The following SETX variants were observed in gnomAD, a reference collection of about 807,000 sequenced individuals.
SETX encodes helicase senataxin.
In SETX, 90 loss-of-function variants were observed where a neutral mutation model predicts 227.2. The ratio of observed to expected loss-of-function variants is 0.40; its 90% CI spans 0.33 to 0.47. SETX has a LOEUF of 0.47. Among genes scored for constraint, SETX ranks in the 20% least tolerant of loss-of-function variants. The pLI is 0.91. For synonymous variants in SETX, 1,210 were observed against 1,113.2 expected, an observed-to-expected ratio of 1.09 and a Z score of -1.73; for missense variants, 3,052 against 3,181.5, an observed-to-expected ratio of 0.96 and a Z score of 0.98.
At chr9:132,310,086 A>G (rs564777017) in intron 11 of SETX, among the ~76,000 whole-genome samples, 2 of 152,246 alleles carry the variant, frequency 1.3e-5, no homozygotes, top group Non-Finnish European at 2.9e-5. Context: ...ACTGAAAAAA[A>G]GACAACAGAA....
In SETX at chr9:132,288,259, A is replaced by G; in HGVS notation, c.6301T>C (p.Cys2101Arg). The G allele has an allele frequency of 6.2e-7, 1 of 1,614,206 alleles. No individual in the cohort carries two copies. The highest frequency in any genetic ancestry group is 8.5e-7 in the Non-Finnish European group (1 of 1,180,010). The change falls in exon 17 of 26, where the codon TGC becomes CGC. Residue 2101 changes from cysteine (C) to arginine (R), a missense_variant. This residue lies in a region of SETX where 412 missense variants were observed against 589.0 expected (regional missense o/e 0.70). Transcript: ENST00000224140. Reference sequence around the variant, plus strand: ...ACCTGTATTTCCCGTCCACCTCGGCATAGAGCTCGCTGCCGGGAAAGCTCA... The same window carrying G: ...ACCTGTATTTCCCGTCCACCTCGGCGTAGAGCTCGCTGCCGGGAAAGCTCA... ...LDELSRQRAL[C>R]RGGREIQRQE...
At chr9:132,269,806 G>A in intron 24 of SETX, 104 bp from the exon 25 acceptor site, 1 of 1,163,614 alleles carries the variant, frequency 8.6e-7, no homozygotes, top group Non-Finnish European at 1.3e-6. Flanking sequence ...GTGTCTGACA[G>A]AGGTGGAATC....
At chr9:132,290,323 T>C (rs1163527736) in intron 15 of SETX, among the ~76,000 whole-genome samples, 3 of 151,874 alleles carry the variant, frequency 2.0e-5, no homozygotes, top group African/African-American at 7.3e-5. Flanking sequence ...ACACCTGTAA[T>C]CCCAGCACTC....
chr9:132,291,157 AC>A (rs1844274689), intron 15 of SETX, among the ~76,000 whole-genome samples: 2 of 137,374 alleles, frequency 1.5e-5, no homozygotes, highest in Admixed American at 7.4e-5. Flanking sequence ...GGGTTTGAAA[AC>A]CTTTTTTTTT....
chr9:132,288,778 A>G, intron 15 of SETX, 127 bp from the exon 16 acceptor site: 1 of 707,176 alleles, frequency 1.4e-6, no homozygotes, highest in South Asian at 1.6e-5. Context: ...ATGAACTTCC[A>G]ATTAACCAGA....
intron 7 of SETX, among the ~76,000 whole-genome samples, chr9:132,333,910 CTTAAAT>C (rs1303286833): frequency 6.6e-6 from 1 of 151,984 alleles, no homozygotes; most frequent in Non-Finnish European, 1.5e-5. Flanking sequence ...TTTTAATTGA[CTTAAAT>C]TTATTTTAAT....
chr9:132,335,641 T>C (rs1564555214), intron 6 of SETX, among the ~76,000 whole-genome samples: 1 of 151,816 alleles, frequency 6.6e-6, no homozygotes, highest in Non-Finnish European at 1.5e-5. Context: ...CCATGCCCAG[T>C]TCTACCAGGA....
chr9:132,308,125 A>G (rs1421247382), intron 11 of SETX, among the ~76,000 whole-genome samples: 2 of 152,242 alleles, frequency 1.3e-5, no homozygotes, highest in African/African-American at 4.8e-5. Flanking sequence ...TAAAATGATT[A>G]AAGTATCACC....
In SETX at chr9:132,326,621, A is replaced by G. The variant is rs1390003079; in HGVS notation, c.4977T>C (p.Leu1659=). ...VGEMKNSCNV[L]HPQSPNNSNR... is the part of the protein sequence containing the mutation. The stretch of plus-strand genomic sequence containing the variant: ...TGGAATTATTCGGAGACTGAGGATG[A>G]AGAACATTGCACGAATTCTTCATTT... Residue 1659 remains leucine (L), a synonymous_variant, in exon 10 of 26, where the codon CTT becomes CTC. Coordinates refer to ENST00000224140, the MANE Select transcript of SETX (RefSeq NM_015046.7). The G allele has an allele frequency of 3.3e-5, 53 of 1,614,150 alleles. No homozygotes were observed. The highest frequency in any genetic ancestry group is 4.2e-5 in the Non-Finnish European group (49 of 1,180,058).
chr9:132,341,386 C>T (rs895092577), intron 5 of SETX, among the ~76,000 whole-genome samples: 1 of 152,130 alleles, frequency 6.6e-6, no homozygotes, highest in Non-Finnish European at 1.5e-5. Flanking sequence ...GCGCTTTCCT[C>T]GTGTGTTTCA....
intron 10 of SETX, among the ~76,000 whole-genome samples, chr9:132,316,480 A>G (rs547603127): frequency 6.6e-6 from 1 of 152,288 alleles, no homozygotes; most frequent in South Asian, 2.1e-4. Context: ...TAATCCATTA[A>G]TGTGGCTAAT....
At chr9:132,331,030 G>C (rs1404958162) in intron 9 of SETX, 22 bp downstream of exon 9, 1 of 1,541,870 alleles carries the variant, frequency 6.5e-7, no homozygotes, top group Admixed American at 1.7e-5. Flanking sequence ...AATAGCATCT[G>C]AATTTTCAAA....
chr9:132,283,701 C>T (rs1483547522), intron 18 of SETX, among the ~76,000 whole-genome samples: 1 of 152,148 alleles, frequency 6.6e-6, no homozygotes, highest in Non-Finnish European at 1.5e-5. Context: ...ACAATCCTTC[C>T]TGTAGTCAGA....
At chr9:132,337,824 T>C (rs1373907762) in intron 5 of SETX, among the ~76,000 whole-genome samples, 1 of 152,204 alleles carries the variant, frequency 6.6e-6, no homozygotes, top group East Asian at 1.9e-4. Context: ...ATGCTAAATT[T>C]AGGAGATCTT....
chr9:132,337,532 C>A (rs1313170023), intron 5 of SETX, among the ~76,000 whole-genome samples: 1 of 151,152 alleles, frequency 6.6e-6, no homozygotes, highest in Admixed American at 6.6e-5. Context: ...TATGCATACA[C>A]AAGGAAAACA....
chr9:132,356,432 C>G (rs1031227499), upstream of SETX, among the ~76,000 whole-genome samples: 1 of 152,140 alleles, frequency 6.6e-6, no homozygotes, highest in African/African-American at 2.4e-5. Context: ...AAACTCCAAC[C>G]TCAAGTGATC....
chr9:132,344,407 G>A (rs1478149619), intron 4 of SETX, among the ~76,000 whole-genome samples: 2 of 152,152 alleles, frequency 1.3e-5, no homozygotes, highest in East Asian at 3.8e-4. Flanking sequence ...AGATGGGGGA[G>A]GGAGGGTGTT....
intron 10 of SETX, 148 bp from the exon 11 acceptor site, chr9:132,312,004 C>T: frequency 1.4e-6 from 1 of 690,864 alleles, no homozygotes; most frequent in South Asian, 1.6e-5. Context: ...CAGGTTAATA[C>T]AATTATCTGG....
At chr9:132,280,510 G>T (rs1843439126) in intron 20 of SETX, among the ~76,000 whole-genome samples, 1 of 152,142 alleles carries the variant, frequency 6.6e-6, no homozygotes, top group African/African-American at 2.4e-5. Context: ...TGACGGGTGT[G>T]CTTCTGGGCC....
Sources: gnomAD v4.1 joint callset for allele counts (sites outside exome capture counted in the v4.1 genomes callset) on GRCh38, gnomAD v4.1.1 for gene constraint, gnomAD v4.1.1 regional missense constraint, MANE v1.5 for transcripts, NCBI Gene and HGNC (gene_info 2026-07-23, HGNC 2026-07-21) for gene names.